The following GRAMD1B variants were observed in gnomAD, a reference collection of about 807,000 sequenced individuals.
The protein encoded by GRAMD1B is protein Aster-B.
In GRAMD1B, 37 loss-of-function variants were observed where a neutral mutation model predicts 99.7. The observed-to-expected ratio is 0.37, with a 90% confidence interval of 0.29 to 0.49. The LOEUF (loss-of-function observed/expected upper bound fraction) is 0.49. GRAMD1B is among the 20% of genes least tolerant of loss of function. The pLI is 0.98. For synonymous variants in GRAMD1B, 427 were observed against 387.6 expected, an observed-to-expected ratio of 1.10 and a Z score of -1.19; for missense variants, 888 against 1,009.2, an observed-to-expected ratio of 0.88 and a Z score of 1.63.
intron 1 of GRAMD1B, among the ~76,000 whole-genome samples, chr11:123,449,114 G>A (rs148670716): frequency 7.2e-5 from 11 of 152,130 alleles, no homozygotes; most frequent in African/African-American, 9.7e-5. Context: ...AGGCCTTTTC[G>A]TTTGTTTAGT....
intron 8 of GRAMD1B, 116 bp from the exon 9 acceptor site, chr11:123,603,310 C>T (rs1952225834): frequency 2.9e-6 from 2 of 682,284 alleles, no homozygotes; most frequent in South Asian, 3.4e-5. Flanking sequence ...TCTCATTCAG[C>T]TAAGGAGAGA....
chr11:123,584,324 TG>T lies in GRAMD1B; in HGVS notation c.678del (p.Trp226CysfsTer5). 1 of 980,584 alleles carries T rather than the reference TG, an allele frequency of 1.0e-6. No individual in the cohort carries two copies. Among genetic ancestry groups the T allele is most frequent in the Non-Finnish European group, 1.3e-6 (1 of 762,238 alleles). The allele number at this position is 980,584 out of a possible 1,614,324, so 60.7% of individuals were successfully genotyped here. On this transcript the variant is annotated frameshift_variant, in exon 4 of 20. Transcript: ENST00000635736. LOFTEE classifies it high-confidence loss of function. ...TTTCTCTTTTCAGAAAAGCCAGAGT[TG>T]GTATAATGTAAGTATTCCTGTTTCC... ...GGKNSKKSQSWYNVLSPTYKQ... is the reference protein window; with the variant it reads ...GGKNSKKSQSXYNVLSPTYKQ...
At chr11:123,514,093 A>G (rs61906277) in intron 2 of GRAMD1B, among the ~76,000 whole-genome samples, 27,621 of 152,202 alleles carry the variant, frequency 0.18, 2,787 homozygotes, top group Admixed American at 0.25. Context: ...GTAGTTCACA[A>G]TCGCCGTGAA....
At chr11:123,556,987 G>A (rs572701292) in intron 2 of GRAMD1B, among the ~76,000 whole-genome samples, 24 of 152,312 alleles carry the variant, frequency 1.6e-4, no homozygotes, top group Admixed American at 1.3e-3. Flanking sequence ...CAATGTAATC[G>A]TTCAGAGTAG....
chr11:123,406,249 C>T (rs1427220040), intron 1 of GRAMD1B, among the ~76,000 whole-genome samples: 2 of 150,184 alleles, frequency 1.3e-5, no homozygotes, highest in Non-Finnish European at 3.0e-5. Context: ...CTGTACCCAG[C>T]CCATTGTTGC....
intron 1 of GRAMD1B, among the ~76,000 whole-genome samples, chr11:123,442,972 T>C (rs563734976): frequency 1.3e-5 from 2 of 152,228 alleles, no homozygotes; most frequent in African/African-American, 2.4e-5. Context: ...GAGGTCATTC[T>C]CATTGCCATC....
intron 1 of GRAMD1B, among the ~76,000 whole-genome samples, chr11:123,457,059 C>T (rs1450635873): frequency 7.1e-6 from 1 of 139,944 alleles, no homozygotes; most frequent in East Asian, 2.0e-4. Flanking sequence ...CTGCAGTGAG[C>T]TGTGATGGCA....
At chr11:123,383,615 T>C (rs1946959819) in intron 1 of GRAMD1B, among the ~76,000 whole-genome samples, 2 of 152,136 alleles carry the variant, frequency 1.3e-5, no homozygotes, top group African/African-American at 4.8e-5. Flanking sequence ...CATTTTCTCT[T>C]ATACTTTGCT....
chr11:123,397,004 A>C (rs539132190), intron 1 of GRAMD1B, among the ~76,000 whole-genome samples: 2 of 152,320 alleles, frequency 1.3e-5, no homozygotes, highest in African/African-American at 4.8e-5. Context: ...TAAAATGCAG[A>C]TTGATGAGTT....
intron 1 of GRAMD1B, chr11:123,432,255 G>T: frequency 5.2e-6 from 2 of 386,480 alleles, no homozygotes; most frequent in Middle Eastern, 6.6e-4. Flanking sequence ...GATGAGGGGA[G>T]GCTTGTATAA....
intron 1 of GRAMD1B, chr11:123,459,943 T>A (rs1414829968): frequency 6.6e-6 from 1 of 152,244 alleles, no homozygotes; most frequent in Non-Finnish European, 1.5e-5. Context: ...AGCATCAACA[T>A]CCTTTTTATG....
At chr11:123,590,209 CAG>C (rs1950511929) in intron 4 of GRAMD1B, among the ~76,000 whole-genome samples, 2 of 152,222 alleles carry the variant, frequency 1.3e-5, no homozygotes, top group Admixed American at 1.3e-4. Flanking sequence ...GTGCCTCAGA[CAG>C]ATCCCGAAGC....
At chr11:123,491,649 A>C in intron 2 of GRAMD1B, 1 of 377,932 alleles carries the variant, frequency 2.6e-6, no homozygotes, top group Non-Finnish European at 4.7e-6. Flanking sequence ...TCGGTAACGC[A>C]GGACCCCAGG....
intron 2 of GRAMD1B, among the ~76,000 whole-genome samples, chr11:123,541,141 T>C (rs1944477989): frequency 3.9e-5 from 6 of 151,980 alleles, no homozygotes; most frequent in Admixed American, 3.9e-4. Context: ...GCCCTGCTAG[T>C]TTTTTGTATT....
Position 123,360,157 on chromosome 11 carries a change from G to A in GRAMD1B, c.-176+1358G>A, listed in dbSNP as rs539431232. On this transcript the variant is annotated intron_variant, in intron 1 of 20. Coordinates refer to the GRAMD1B transcript ENST00000638157. ...CCTGCTTCCCAGTGTAACACACACC[G>A]ATCTCTCTCTCTTCTCTCTTTCATT... Among the ~76,000 whole-genome samples the A allele has an allele frequency of 2.8e-4, 43 of 152,296 alleles. 1 individual carries two copies. Among genetic ancestry groups the A allele is most frequent in the South Asian group, 1.2e-3 (6 of 4,822 alleles).
At chr11:123,445,470 C>T (rs1949594449) in intron 1 of GRAMD1B, among the ~76,000 whole-genome samples, 1 of 152,042 alleles carries the variant, frequency 6.6e-6, no homozygotes, top group South Asian at 2.1e-4. Context: ...GTTTTCTCCA[C>T]CAGTGTCTAC....
chr11:123,486,273 C>G (rs915095542), intron 2 of GRAMD1B, among the ~76,000 whole-genome samples: 2 of 152,164 alleles, frequency 1.3e-5, no homozygotes, highest in African/African-American at 4.8e-5. Context: ...CAAAGCCGGG[C>G]ACCGTGGCTC....
At chr11:123,456,944 G>T (rs375860663) in intron 1 of GRAMD1B, among the ~76,000 whole-genome samples, 1 of 144,816 alleles carries the variant, frequency 6.9e-6, no homozygotes, top group Non-Finnish European at 1.5e-5. Context: ...AAAAGAAAAA[G>T]AAAAGAAAGA....
chr11:123,447,202 T>C (rs1043308633), intron 1 of GRAMD1B, among the ~76,000 whole-genome samples: 8 of 152,190 alleles, frequency 5.3e-5, no homozygotes, highest in Non-Finnish European at 1.0e-4. Flanking sequence ...CCTATTTCAC[T>C]CACACTCAGC....
Sources: gnomAD v4.1 joint callset for allele counts (sites outside exome capture counted in the v4.1 genomes callset) on GRCh38, gnomAD v4.1.1 for gene constraint, MANE v1.5 for transcripts, NCBI Gene and HGNC (gene_info 2026-07-23, HGNC 2026-07-21) for gene names.